Variants in CACNA1C observed in about 807,000 individuals in gnomAD.
CACNA1C encodes the protein calcium voltage-gated channel subunit alpha1 C, also known as voltage-dependent L-type calcium channel subunit alpha-1C.
In CACNA1C, 30 loss-of-function variants were observed where a neutral mutation model predicts 229.0. That is an observed-to-expected ratio of 0.13 (90% CI 0.10 to 0.18). The LOEUF (loss-of-function observed/expected upper bound fraction) is 0.18. CACNA1C is among the 10% of genes least tolerant of loss of function. CACNA1C has a pLI of 1.00. For synonymous variants in CACNA1C, 1,114 were observed against 1,132.5 expected (o/e 0.98, Z 0.33); for missense variants, 1,658 against 2,845.0 (o/e 0.58, Z 9.49).
chr12:2,450,553 C>CAAAAAAAAAAAAAAAAAAAA lies in CACNA1C; in HGVS notation c.617+1444_617+1463dup. On this transcript the variant is annotated intron_variant, in intron 4 of 46. Transcript: ENST00000399655. ...TGGGCAACAGAGCGAGACTCCATCTCAAAAAAAAAAAAAAAAAAAAAAAAA... is the reference window on the plus strand; with the variant it reads ...TGGGCAACAGAGCGAGACTCCATCTCAAAAAAAAAAAAAAAAAAAAAAAAAAAAAAAAAAAAAAAAAAAAA... Among the ~76,000 whole-genome samples the CAAAAAAAAAAAAAAAAAAAA allele has an allele frequency of 5.1e-5, 2 of 39,020 alleles. 1 individual carries two copies. Among genetic ancestry groups the CAAAAAAAAAAAAAAAAAAAA allele is most frequent in the Non-Finnish European group, 9.6e-5 (2 of 20,892 alleles). 25.6% of individuals were successfully genotyped at this position (39,020 alleles called of 152,430 possible). A position where few individuals can be genotyped will look rare whatever the true frequency, so the allele number is the denominator to read the frequency against.
chr12:2,557,801 CTCACAG>C (rs931635558), intron 11 of CACNA1C, among the ~76,000 whole-genome samples: 1 of 152,228 alleles, frequency 6.6e-6, no homozygotes, highest in Non-Finnish European at 1.5e-5. Flanking sequence ...GGATTACTGG[CTCACAG>C]TCCCCTGCTT....
intron 3 of CACNA1C, among the ~76,000 whole-genome samples, chr12:2,362,710 C>T (rs531550759): frequency 4.6e-5 from 7 of 152,166 alleles, no homozygotes; most frequent in South Asian, 2.1e-4. Context: ...TTTTTTTCTG[C>T]GAGGGCTCAG....
intron 3 of CACNA1C, among the ~76,000 whole-genome samples, chr12:2,317,486 G>A (rs1415782444): frequency 6.6e-6 from 1 of 152,118 alleles, no homozygotes; most frequent in African/African-American, 2.4e-5. Flanking sequence ...GGTTTTCAGG[G>A]GCTGAAGGGA....
chr12:2,205,193 G>A (rs1048545174), intron 3 of CACNA1C, among the ~76,000 whole-genome samples: 16 of 152,174 alleles, frequency 1.1e-4, no homozygotes, highest in Admixed American at 2.6e-4. Flanking sequence ...ACTTCTGAAG[G>A]GCTGGGTGAA....
chr12:2,382,066 G>C (rs916896543), intron 3 of CACNA1C, among the ~76,000 whole-genome samples: 1 of 152,214 alleles, frequency 6.6e-6, no homozygotes, highest in Non-Finnish European at 1.5e-5. Context: ...GGTTCATGAA[G>C]TCTATAGATG....
In CACNA1C at chr12:2,152,127, G is replaced by A. The variant is rs550075788; in HGVS notation, c.477+31697G>A. Among the ~76,000 whole-genome samples the A allele has an allele frequency of 7.2e-5, 11 of 152,336 alleles. No homozygotes were observed. The highest frequency in any genetic ancestry group is 1.9e-4 in the African/African-American group (8 of 41,586). ...ATGGTGCCCTTCCCTAGATAGCTGC[G>A]TTGCAATGGACCACATTATGGCATG... is the stretch of plus-strand genomic sequence containing the variant. On this transcript the variant is annotated intron_variant, in intron 3 of 46. Transcript: ENST00000399655. The surrounding 1 kb of genome is among the most constrained non-coding windows in gnomAD (Gnocchi z 4.2).
At chr12:2,565,469 G>A (rs1414490942) in intron 11 of CACNA1C, among the ~76,000 whole-genome samples, 28 of 78,352 alleles carry the variant, frequency 3.6e-4, no homozygotes, top group African/African-American at 3.8e-4. Flanking sequence ...GCGAGACTCC[G>A]TCTCAGAAAA....
At chr12:2,441,725 C>T (rs1283598969) in intron 3 of CACNA1C, among the ~76,000 whole-genome samples, 1 of 152,248 alleles carries the variant, frequency 6.6e-6, no homozygotes, top group Non-Finnish European at 1.5e-5. Flanking sequence ...GAACCTGGCA[C>T]ATAAAGCCAG....
intron 7 of CACNA1C, among the ~76,000 whole-genome samples, chr12:2,496,316 A>G (rs754919247): frequency 6.6e-6 from 1 of 152,230 alleles, no homozygotes; most frequent in Non-Finnish European, 1.5e-5. Context: ...CCTTTCACTC[A>G]GAAGAATGAA....
intron 3 of CACNA1C, among the ~76,000 whole-genome samples, chr12:2,418,125 C>T (rs893548816): frequency 5.9e-5 from 9 of 152,248 alleles, no homozygotes; most frequent in African/African-American, 1.9e-4. Context: ...TGCCTCAGCT[C>T]GCTCAGCTGC....
rs936237957 is a variant in CACNA1C at position 2,034,136 on chromosome 12, T to C, written c.139+62935T>C. 6.6e-6 allele frequency among the ~76,000 whole-genome samples: 1 copy of C among 152,172 alleles called. No homozygotes were observed. Among genetic ancestry groups the C allele is most frequent in the African/African-American group, 2.4e-5 (1 of 41,446 alleles). On this transcript the variant is annotated intron_variant, in intron 1 of 46. Coordinates refer to the CACNA1C transcript ENST00000682462. This position sits in a 1 kb window ranked among gnomAD's most constrained non-coding sequence, Gnocchi z 4.1. ...CATTTTAATCCTCACAGCAACCCCA[T>C]GAGGTGGATATCTTTATTCCTATTA...
intron 3 of CACNA1C, among the ~76,000 whole-genome samples, chr12:2,255,617 C>T (rs1338763086): frequency 6.6e-6 from 1 of 152,222 alleles, no homozygotes; most frequent in Non-Finnish European, 1.5e-5. Flanking sequence ...TGACAGTAAG[C>T]TGGTGGCCTT....
At chr12:2,157,732 A>T (rs1013358723) in intron 3 of CACNA1C, among the ~76,000 whole-genome samples, 3 of 152,212 alleles carry the variant, frequency 2.0e-5, no homozygotes, top group Non-Finnish European at 4.4e-5. Context: ...TCAGTTAAGG[A>T]TCCCTAAATG....
At chr12:2,138,467 T>C (rs201160360) in intron 3 of CACNA1C, among the ~76,000 whole-genome samples, 2 of 150,940 alleles carry the variant, frequency 1.3e-5, no homozygotes, top group African/African-American at 4.8e-5. Context: ...ACCCTGGCAG[T>C]TGGGCACGGT....
In CACNA1C at chr12:2,677,721, C is replaced by G; in HGVS notation, c.4957-12C>G. 6.2e-7 allele frequency: 1 copy of G among 1,611,766 alleles called. No homozygotes were observed. The highest frequency in any genetic ancestry group is 8.5e-7 in the Non-Finnish European group (1 of 1,179,142). On this transcript the variant is annotated splice_polypyrimidine_tract_variant and intron_variant, in intron 40 of 46. Coordinates refer to ENST00000399655, the MANE Select transcript of CACNA1C (RefSeq NM_000719.7). This position sits in a 1 kb window ranked among gnomAD's most constrained non-coding sequence, Gnocchi z 7.4. The stretch of plus-strand genomic sequence containing the variant: ...GGAGCGTGGTCCTCACCATCCTCCC[C>G]TTGGATTCCAGGCTGGCTTGCGCAC...
chr12:2,426,605 C>A (rs766062232), intron 3 of CACNA1C, among the ~76,000 whole-genome samples: 21 of 152,218 alleles, frequency 1.4e-4, no homozygotes, highest in Admixed American at 1.3e-4. Context: ...TACTTAGTGG[C>A]TTTAAACAAC....
intron 3 of CACNA1C, among the ~76,000 whole-genome samples, chr12:2,284,293 A>G (rs2092224020): frequency 7.1e-6 from 1 of 139,864 alleles, no homozygotes; most frequent in Admixed American, 7.2e-5. Flanking sequence ...AGACCTCTAG[A>G]TTTTTTTTTT....
intron 42 of CACNA1C, among the ~76,000 whole-genome samples, chr12:2,681,221 T>C (rs1036862990): frequency 6.6e-6 from 1 of 152,180 alleles, no homozygotes; most frequent in Non-Finnish European, 1.5e-5. Flanking sequence ...GGGAGAGGGA[T>C]GTTTAGAGGA....
chr12:2,345,626 C>G (rs941471917), intron 3 of CACNA1C, among the ~76,000 whole-genome samples: 20 of 152,268 alleles, frequency 1.3e-4, no homozygotes, highest in Non-Finnish European at 2.8e-4. Flanking sequence ...TGGACTGGAA[C>G]CATCTGTTTA....
Sources: allele counts gnomAD v4.1 joint callset (sites outside exome capture counted in the v4.1 genomes callset), GRCh38; gene constraint gnomAD v4.1.1; non-coding constraint Gnocchi (gnomAD v3.1); transcripts MANE v1.5; gene names NCBI Gene and HGNC (gene_info 2026-07-23, HGNC 2026-07-21).